The following METTL8 variants were observed in gnomAD, a reference collection of about 807,000 sequenced individuals.
METTL8 encodes tRNA N(3)-cytidine methyltransferase METTL8, mitochondrial.
Under a neutral mutation model 48.7 loss-of-function variants are expected in METTL8, and 32 were observed. That is an observed-to-expected ratio of 0.66 (90% CI 0.50 to 0.88). The LOEUF (loss-of-function observed/expected upper bound fraction) is 0.88, where lower values mean the gene tolerates loss of function less well. METTL8 is among the 40% of genes least tolerant of loss of function. The pLI is 0.00. For synonymous variants in METTL8, 136 were observed against 157.1 expected (o/e 0.87, Z 1.01); for missense variants, 464 against 474.4 (o/e 0.98, Z 0.20).
intron 5 of METTL8, among the ~76,000 whole-genome samples, chr2:171,337,251 C>T (rs73021067): frequency 0.017 from 2,539 of 152,186 alleles, 71 homozygotes; most frequent in African/African-American, 0.056. Flanking sequence ...CCCATGGCTA[C>T]GAAACACTAT....
intron 7 of METTL8, among the ~76,000 whole-genome samples, chr2:171,327,684 T>C (rs1685092719): frequency 6.6e-6 from 1 of 152,010 alleles, no homozygotes; most frequent in South Asian, 2.1e-4. Flanking sequence ...CAAAAGGAGG[T>C]GGCATGATTA....
chr2:171,426,595 G>A (rs1692447322), intron 1 of METTL8, among the ~76,000 whole-genome samples: 1 of 152,056 alleles, frequency 6.6e-6, no homozygotes, highest in African/African-American at 2.4e-5. Context: ...AAAATAAGAG[G>A]GTGAGTCTGC....
intron 2 of METTL8, 47 bp from the exon 3 acceptor site, chr2:171,360,560 G>A: frequency 6.5e-7 from 1 of 1,542,598 alleles, no homozygotes; most frequent in Admixed American, 1.8e-5. Flanking sequence ...CATTGAAGAA[G>A]GCAGAAAAAA....
At chr2:171,360,401 C>T (rs752282136) in intron 3 of METTL8, 21 bp downstream of exon 3, 3 of 1,607,246 alleles carry the variant, frequency 1.9e-6, no homozygotes, top group Non-Finnish European at 1.7e-6. Flanking sequence ...GCTCTAGGAG[C>T]TACAGCACGC....
In METTL8 at chr2:171,316,296, T is replaced by G. The variant is rs1684260073; in HGVS notation, c.*7876A>C. Among the ~76,000 whole-genome samples, 1 of 152,166 alleles carries G rather than the reference T, an allele frequency of 6.6e-6. No individual in the cohort carries two copies. Among genetic ancestry groups the G allele is most frequent in the African/African-American group, 2.4e-5 (1 of 41,442 alleles). On this transcript the variant is annotated 3_prime_UTR_variant, in exon 10 of 10. Transcript: ENST00000375258. ...TGTGGGTAGAAAACAAGTCCCCAAGTTGCTACTGAGCCAAACTGTAAAGGC... is the reference window on the plus strand; with the variant it reads ...TGTGGGTAGAAAACAAGTCCCCAAGGTGCTACTGAGCCAAACTGTAAAGGC...
intron 2 of METTL8, among the ~76,000 whole-genome samples, chr2:171,380,652 C>T (rs1254746612): frequency 6.6e-6 from 1 of 152,036 alleles, no homozygotes; most frequent in African/African-American, 2.4e-5. Flanking sequence ...TTCACAACTG[C>T]TACAAAGAAA....
intron 3 of METTL8, among the ~76,000 whole-genome samples, chr2:171,353,496 G>C (rs921566022): frequency 6.6e-6 from 1 of 152,228 alleles, no homozygotes; most frequent in Non-Finnish European, 1.5e-5. Flanking sequence ...ACTTGCTGCA[G>C]AGCTGAGTTC....
At chr2:171,414,309 C>T (rs529406439) in intron 1 of METTL8, among the ~76,000 whole-genome samples, 7 of 151,790 alleles carry the variant, frequency 4.6e-5, no homozygotes, top group Admixed American at 3.3e-4. Flanking sequence ...CCCAGCTACT[C>T]GAGAGGCTGA....
chr2:171,397,257 T>C (rs1689159867), intron 1 of METTL8, among the ~76,000 whole-genome samples: 1 of 145,056 alleles, frequency 6.9e-6, no homozygotes, highest in Non-Finnish European at 1.5e-5. Context: ...TTCACGTCTG[T>C]AATCTCAGAG....
In METTL8 at chr2:171,322,349, T is replaced by C. The variant is rs559193562; in HGVS notation, c.*1823A>G. The C allele has an allele frequency of 7.2e-5, 11 of 152,174 alleles. No homozygotes were observed. The highest frequency in any genetic ancestry group is 1.3e-4 in the Admixed American group (2 of 15,292). 9.4% of individuals were successfully genotyped at this position (152,174 alleles called of 1,614,324 possible). A position where few individuals can be genotyped will look rare whatever the true frequency, so the allele number is the denominator to read the frequency against. On this transcript the variant is annotated 3_prime_UTR_variant, in exon 10 of 10. Coordinates refer to ENST00000375258, the MANE Select transcript of METTL8 (RefSeq NM_001321154.2). ...TGTCTTAAACAGAGCTTACCACTGA[T>C]ACCAGAAAGGGTCTGGATCCAGACG...
intron 1 of METTL8, among the ~76,000 whole-genome samples, chr2:171,408,756 G>A (rs540632362): frequency 6.6e-6 from 1 of 152,234 alleles, no homozygotes; most frequent in South Asian, 2.1e-4. Flanking sequence ...CACTACCAGA[G>A]GTTGTCTTAG....
intron 1 of METTL8, among the ~76,000 whole-genome samples, chr2:171,408,061 A>G (rs2105613096): frequency 6.6e-6 from 1 of 152,300 alleles, no homozygotes; most frequent in African/African-American, 2.4e-5. Flanking sequence ...ACCGCTGTTA[A>G]TTCGAGTTTT....
intron 1 of METTL8, among the ~76,000 whole-genome samples, chr2:171,402,571 A>G (rs1464451620): frequency 6.6e-6 from 1 of 152,204 alleles, no homozygotes; most frequent in Non-Finnish European, 1.5e-5. Flanking sequence ...TACGTTATAT[A>G]TAGAAATATC....
intron 1 of METTL8, among the ~76,000 whole-genome samples, chr2:171,433,467 C>T (rs1391999090): frequency 1.3e-5 from 2 of 152,278 alleles, no homozygotes; most frequent in Admixed American, 1.3e-4. Context: ...CGGCCCCACC[C>T]TTAAGGGACT....
chr2:171,404,476 T>A (rs1158621710), intron 1 of METTL8, among the ~76,000 whole-genome samples: 2 of 152,110 alleles, frequency 1.3e-5, no homozygotes, highest in Non-Finnish European at 2.9e-5. Context: ...AAAAGAGTGA[T>A]TCACTTCCTG....
chr2:171,363,817 T>TATATATATATATATATATATATGTATATA (rs1228494441), intron 2 of METTL8, among the ~76,000 whole-genome samples: 3 of 129,052 alleles, frequency 2.3e-5, no homozygotes, highest in African/African-American at 5.9e-5. Flanking sequence ...TATATATATC[T>TATATATATATATATATATATATGTATATA]TTTTTTTTTT....
chr2:171,419,339 T>C (rs1691648818), intron 1 of METTL8, among the ~76,000 whole-genome samples: 1 of 152,174 alleles, frequency 6.6e-6, no homozygotes, highest in Non-Finnish European at 1.5e-5. Context: ...TCTATATGCA[T>C]TCATCTGTAT....
intron 7 of METTL8, among the ~76,000 whole-genome samples, chr2:171,328,497 A>G (rs1278377891): frequency 6.6e-6 from 1 of 152,000 alleles, no homozygotes; most frequent in African/African-American, 2.4e-5. Context: ...CACTATAGAC[A>G]TTGCCTTGGT....
At chr2:171,391,511 A>T (rs555272560) in intron 2 of METTL8, among the ~76,000 whole-genome samples, 1 of 152,224 alleles carries the variant, frequency 6.6e-6, no homozygotes, top group Non-Finnish European at 1.5e-5. Context: ...TATAGTCTGT[A>T]ACACTCATTG....
Sources: gnomAD v4.1 joint callset for allele counts (sites outside exome capture counted in the v4.1 genomes callset) on GRCh38, gnomAD v4.1.1 for gene constraint, MANE v1.5 for transcripts, NCBI Gene and HGNC (gene_info 2026-07-23, HGNC 2026-07-21) for gene names.